JPH3: variants seen among roughly 807,000 people sequenced by gnomAD.
The protein encoded by JPH3 is junctophilin 3.
JPH3 carries 11 observed loss-of-function variants against 59.6 expected under a neutral mutation model. That is an observed-to-expected ratio of 0.18 (90% CI 0.12 to 0.31). The LOEUF (loss-of-function observed/expected upper bound fraction) is 0.31, where lower values mean the gene tolerates loss of function less well. Among genes scored for constraint, JPH3 ranks in the 10% least tolerant of loss-of-function variants. The pLI, the probability that JPH3 is intolerant of heterozygous loss-of-function variation, is 1.00. For missense variants in JPH3, 1,202 were observed against 1,105.7 expected (o/e 1.09, Z -1.24); for synonymous variants, 673 against 483.6 (o/e 1.39, Z -5.14).
chr16:87,674,348 CAAAA>C (rs796224796), intron 2 of JPH3, among the ~76,000 whole-genome samples: 5 of 151,704 alleles, frequency 3.3e-5, no homozygotes, highest in African/African-American at 9.7e-5. Context: ...AAAACAAAAA[CAAAA>C]AAAAGCAGGG....
rs969702618 is a variant in JPH3 at position 87,641,443 on chromosome 16, C to T, written c.383-2815C>T. ...AAGCAGCTTTGGGGGTACAGAATGA[C>T]CGACCAGTGTGGGATCCCAAACATC... is the stretch of plus-strand genomic sequence containing the variant. On this transcript the variant is annotated intron_variant, in intron 1 of 4. Coordinates refer to ENST00000284262, the MANE Select transcript of JPH3 (RefSeq NM_020655.4). Among the ~76,000 whole-genome samples the T allele has an allele frequency of 5.3e-5, 8 of 152,176 alleles. No homozygotes were observed. In the East Asian group the frequency reaches 1.2e-3, roughly 22 times the overall value.
At chr16:87,610,642 C>T (rs1221945626) in intron 1 of JPH3, among the ~76,000 whole-genome samples, 2 of 152,166 alleles carry the variant, frequency 1.3e-5, no homozygotes, top group African/African-American at 4.8e-5. Flanking sequence ...CCCTCATGTC[C>T]ACAGGTCAGT....
In JPH3 at chr16:87,696,732, A is replaced by G; in HGVS notation, c.*72A>G. 7.8e-7 allele frequency: 1 copy of G among 1,286,750 alleles called. No individual in the cohort carries two copies. Among genetic ancestry groups the G allele is most frequent in the Admixed American group, 1.7e-5 (1 of 57,972 alleles). The allele number at this position is 1,286,750 out of a possible 1,614,324, so 79.7% of individuals were successfully genotyped here. A position where few individuals can be genotyped will look rare whatever the true frequency, so the allele number is the denominator to read the frequency against. ...CATTAAAATTAAAAGCAAAACCACA[A>G]GAAGGGAAAGACCGCAACTCGGACA... On this transcript the variant is annotated 3_prime_UTR_variant, in exon 5 of 5. Coordinates refer to ENST00000284262, the MANE Select transcript of JPH3 (RefSeq NM_020655.4).
At chr16:87,638,268 C>T (rs1171372429) in intron 1 of JPH3, among the ~76,000 whole-genome samples, 3 of 152,162 alleles carry the variant, frequency 2.0e-5, no homozygotes, top group African/African-American at 7.2e-5. Context: ...CTATGTTGCC[C>T]AGGCTGGCTT....
At chr16:87,650,854 C>A (rs751647635) in intron 2 of JPH3, among the ~76,000 whole-genome samples, 19 of 152,194 alleles carry the variant, frequency 1.2e-4, no homozygotes, top group Non-Finnish European at 2.4e-4. Flanking sequence ...ACATAAAGTG[C>A]AAGGTGAGGG....
At chr16:87,637,888 G>C (rs2031810448) in intron 1 of JPH3, among the ~76,000 whole-genome samples, 1 of 152,102 alleles carries the variant, frequency 6.6e-6, no homozygotes, top group African/African-American at 2.4e-5. Flanking sequence ...TGTGTTGTCA[G>C]AGCAGTGCTG....
chr16:87,652,120 G>T (rs528778209), intron 2 of JPH3, among the ~76,000 whole-genome samples: 1 of 152,106 alleles, frequency 6.6e-6, no homozygotes, highest in Non-Finnish European at 1.5e-5. Context: ...GACTACAGGC[G>T]CCCACCACCG....
intron 1 of JPH3, among the ~76,000 whole-genome samples, chr16:87,641,655 G>A (rs61277710): frequency 0.21 from 32,107 of 152,110 alleles, 3,807 homozygotes; most frequent in East Asian, 0.38. Flanking sequence ...CAGAGGCTGC[G>A]TTGCCGATTC....
chr16:87,612,917 T>G (rs1370246619), intron 1 of JPH3, among the ~76,000 whole-genome samples: 2 of 151,190 alleles, frequency 1.3e-5, no homozygotes, highest in African/African-American at 4.9e-5. Context: ...TCCCAGCTAC[T>G]CTGGAGGCTG....
chr16:87,606,536 A>C (rs1377059050), intron 1 of JPH3, among the ~76,000 whole-genome samples: 1 of 152,168 alleles, frequency 6.6e-6, no homozygotes, highest in Non-Finnish European at 1.5e-5. Flanking sequence ...CCCAGCTTGC[A>C]TCCTGGGCTT....
At chr16:87,625,545 C>T (rs1045618084) in intron 1 of JPH3, among the ~76,000 whole-genome samples, 5 of 152,168 alleles carry the variant, frequency 3.3e-5, no homozygotes, top group African/African-American at 1.2e-4. Context: ...CACACTGCAG[C>T]CAAGGTCCCA....
intron 4 of JPH3, among the ~76,000 whole-genome samples, chr16:87,691,089 C>T (rs536683710): frequency 1.3e-5 from 2 of 150,796 alleles, no homozygotes; most frequent in South Asian, 2.1e-4. Context: ...ACCCAGCACC[C>T]CCCCCCCAAA....
chr16:87,614,204 TC>T (rs1387581491), intron 1 of JPH3, among the ~76,000 whole-genome samples: 1 of 151,714 alleles, frequency 6.6e-6, no homozygotes, highest in Admixed American at 6.6e-5. Flanking sequence ...GAGCCGCGTG[TC>T]CCCTCCCAGG....
chr16:87,614,667 C>G (rs1056261111), intron 1 of JPH3, among the ~76,000 whole-genome samples: 1 of 150,784 alleles, frequency 6.6e-6, no homozygotes, highest in African/African-American at 2.4e-5. Flanking sequence ...AAGGCAGGTC[C>G]CTGCACACGT....
At chr16:87,695,394 A>C (rs1383596204) in intron 4 of JPH3, 4 of 456,040 alleles carry the variant, frequency 8.8e-6, no homozygotes, top group Admixed American at 7.0e-5. Context: ...CCTTCAGGAC[A>C]AGCCCTGGTC....
chr16:87,660,804 C>A (rs554254707), intron 2 of JPH3, among the ~76,000 whole-genome samples: 4 of 152,176 alleles, frequency 2.6e-5, no homozygotes, highest in African/African-American at 9.7e-5. Context: ...AGGCTGGAGA[C>A]AAACAGCTCC....
At position 87,640,954 on chromosome 16, in the gene JPH3, C is replaced by G. The variant is rs533027903; in HGVS notation, c.383-3304C>G. 9.3e-4 allele frequency among the ~76,000 whole-genome samples: 142 copies of G among 152,330 alleles called. 1 individual carries two copies. Among genetic ancestry groups the G allele is most frequent in the Non-Finnish European group, 1.7e-3 (115 of 68,034 alleles). The stretch of plus-strand genomic sequence containing the variant: ...TCTGGCCTTGGTAAAGGGCCACCCC[C>G]TGAGACCCACCGAGCCTAGTTCCAG... On this transcript the variant is annotated intron_variant, in intron 1 of 4. Transcript: ENST00000284262.
At chr16:87,667,198 C>T (rs2032892005) in intron 2 of JPH3, among the ~76,000 whole-genome samples, 1 of 152,218 alleles carries the variant, frequency 6.6e-6, no homozygotes, top group Non-Finnish European at 1.5e-5. Flanking sequence ...GCTCCCTCTG[C>T]CCCGTCCTGA....
exon 1 of JPH3, among the ~76,000 whole-genome samples, chr16:87,602,495 CGCCGCGCGGCCCGAGCGCGCGA>C (rs2030257220): frequency 7.3e-6 from 1 of 136,582 alleles, no homozygotes; most frequent in South Asian, 2.3e-4. Flanking sequence ...TGCGGGCGCG[CGCCGCGCGGCCCGAGCGCGCGA>C]GCCGGGCCCG....
Sources: allele counts gnomAD v4.1 joint callset (sites outside exome capture counted in the v4.1 genomes callset), GRCh38; gene constraint gnomAD v4.1.1; transcripts MANE v1.5; gene names NCBI Gene and HGNC (gene_info 2026-07-23, HGNC 2026-07-21).